LNX1: variants seen among roughly 807,000 people sequenced by gnomAD.
The protein encoded by LNX1 is ligand of numb-protein X 1, also known as E3 ubiquitin-protein ligase LNX.
LNX1 carries 54 observed loss-of-function variants against 68.4 expected under a neutral mutation model. That is an observed-to-expected ratio of 0.79 (90% CI 0.63 to 0.99). The LOEUF (loss-of-function observed/expected upper bound fraction) is 0.99. Among genes scored for constraint, LNX1 ranks in the 50% least tolerant of loss-of-function variants. The probability of loss-of-function intolerance (pLI) is 0.00; values close to 1 mark genes in which losing one functional copy is unlikely to be tolerated. For synonymous variants in LNX1, 336 were observed against 350.0 expected, an observed-to-expected ratio of 0.96 and a Z score of 0.45; for missense variants, 906 against 926.4, an observed-to-expected ratio of 0.98 and a Z score of 0.29.
chr4:53,543,700 T>C (rs962103512), intron 2 of LNX1, among the ~76,000 whole-genome samples: 7 of 152,254 alleles, frequency 4.6e-5, no homozygotes, highest in South Asian at 2.1e-4. Context: ...CTTTGCTAAA[T>C]GGTAAACAAA....
Position 53,522,369 on chromosome 4 carries a change from A to G in LNX1, c.381-14142T>C, listed in dbSNP as rs184313098. ...TTATTCCACAAATACTGAAGTGATT[A>G]CTAAAGTCTACTAAATGTAAGGCAC... On this transcript the variant is annotated intron_variant, in intron 2 of 10. Transcript: ENST00000263925. Among the ~76,000 whole-genome samples the G allele has an allele frequency of 1.4e-4, 22 of 152,336 alleles. No individual in the cohort carries two copies. The East Asian group carries it at 3.9e-3, about 27-fold the overall frequency.
intron 2 of LNX1, among the ~76,000 whole-genome samples, chr4:53,555,235 C>T (rs2109717643): frequency 6.6e-6 from 1 of 152,292 alleles, no homozygotes; most frequent in Non-Finnish European, 1.5e-5. Context: ...TAAACTGGCC[C>T]AGCAGCCCTA....
rs535602880 is a variant in LNX1, at chr4:53,503,899, C to A, written c.775+3418G>T. Among the ~76,000 whole-genome samples the A allele has an allele frequency of 7.2e-5, 11 of 152,256 alleles. No homozygotes were observed. The South Asian group carries it at 2.3e-3, about 32-fold the overall frequency. On this transcript the variant is annotated intron_variant, in intron 4 of 10. Transcript: ENST00000263925. Reference sequence around the variant, plus strand: ...CTGTAATCCTAGCACTTTGGGAGGCCGAGGCAGGCGGATGACCTGCGGTCA... The same window carrying A: ...CTGTAATCCTAGCACTTTGGGAGGCAGAGGCAGGCGGATGACCTGCGGTCA...
chr4:53,497,514 A>G (rs1242628242), intron 5 of LNX1, among the ~76,000 whole-genome samples: 1 of 152,206 alleles, frequency 6.6e-6, no homozygotes, highest in Non-Finnish European at 1.5e-5. Context: ...AGGTGAGGAG[A>G]GCACCTGAGG....
chr4:53,508,130 G>C lies in LNX1; in HGVS notation c.478C>G (p.Pro160Ala). The change falls in exon 3 of 11, where the codon CCC becomes GCC. Residue 160 changes from proline (P) to alanine (A), a missense_variant. Coordinates refer to ENST00000263925, the MANE Select transcript of LNX1 (RefSeq NM_001126328.3). The stretch of plus-strand genomic sequence containing the variant: ...GCAGCTGCAGAAACCTCTGGGGAGG[G>C]AGCCGTGGCTGTGAGGCTCGCACAG... ...DGCASLTATA[P>A]SPEVSAAATI... 1 of 1,614,144 alleles carries C rather than the reference G, an allele frequency of 6.2e-7. No individual in the cohort carries two copies. The highest frequency in any genetic ancestry group is 1.3e-5 in the African/African-American group (1 of 75,052).
chr4:53,494,136 G>A (rs111558394), intron 6 of LNX1, among the ~76,000 whole-genome samples: 1 of 152,122 alleles, frequency 6.6e-6, no homozygotes, highest in Non-Finnish European at 1.5e-5. Flanking sequence ...GTTGTGGGAG[G>A]GACCCAGTGG....
intron 9 of LNX1, among the ~76,000 whole-genome samples, chr4:53,469,610 G>A (rs945594447): frequency 2.0e-5 from 3 of 151,988 alleles, no homozygotes; most frequent in Non-Finnish European, 2.9e-5. Context: ...TAATAAAGAA[G>A]AAAAGAGAGA....
intron 2 of LNX1, among the ~76,000 whole-genome samples, chr4:53,528,652 G>A (rs1456046252): frequency 7.0e-6 from 1 of 142,142 alleles, no homozygotes; most frequent in Admixed American, 7.6e-5. Flanking sequence ...TATCCACTGA[G>A]GGTCTTAGAA....
At chr4:53,511,623 T>C (rs1204018911) in intron 2 of LNX1, among the ~76,000 whole-genome samples, 1 of 152,234 alleles carries the variant, frequency 6.6e-6, no homozygotes, top group Non-Finnish European at 1.5e-5. Flanking sequence ...GAGGTAAATC[T>C]GTCTTAATAT....
intron 2 of LNX1, among the ~76,000 whole-genome samples, chr4:53,607,451 G>T (rs1230862576): frequency 6.6e-6 from 1 of 152,108 alleles, no homozygotes. Flanking sequence ...ATTGCTCAAA[G>T]AAATCAGAGA....
chr4:53,494,445 T>C (rs1202248080), intron 6 of LNX1, among the ~76,000 whole-genome samples: 1 of 152,224 alleles, frequency 6.6e-6, no homozygotes, highest in African/African-American at 2.4e-5. Context: ...TTTTGTCTTG[T>C]GTCTCCTTAG....
chr4:53,560,967 C>A (rs1327414990), intron 2 of LNX1, among the ~76,000 whole-genome samples: 1 of 152,228 alleles, frequency 6.6e-6, no homozygotes, highest in Non-Finnish European at 1.5e-5. Flanking sequence ...TAACTCTAAT[C>A]TTTGCCCTAT....
intron 1 of LNX1, among the ~76,000 whole-genome samples, chr4:53,623,326 A>ACCAAGTAGCTGGGACCCACCTCAGCTTC (rs1274707527): frequency 1.3e-5 from 2 of 150,862 alleles, no homozygotes; most frequent in Admixed American, 6.6e-5. Context: ...ACCTCAGTTT[A>ACCAAGTAGCTGGGACCCACCTCAGCTTC]CCAAGTAGCT....
At chr4:53,491,532 G>A (rs1047876349) in intron 6 of LNX1, among the ~76,000 whole-genome samples, 1 of 152,160 alleles carries the variant, frequency 6.6e-6, no homozygotes, top group African/African-American at 2.4e-5. Context: ...CAAAGAAGTT[G>A]CTCAGTCAAT....
intron 8 of LNX1, 104 bp from the exon 9 acceptor site, chr4:53,477,085 A>G (rs1723612560): frequency 1.0e-6 from 1 of 965,144 alleles, no homozygotes; most frequent in Admixed American, 1.8e-5. Flanking sequence ...AGGGATGCAG[A>G]GAGGGCAAAG....
intron 7 of LNX1, among the ~76,000 whole-genome samples, chr4:53,479,592 AC>A (rs1330709543): frequency 3.9e-5 from 6 of 152,100 alleles, no homozygotes; most frequent in Admixed American, 1.3e-4. Flanking sequence ...GGGTTACCTG[AC>A]TTTGGCTGGA....
chr4:53,574,024 A>G lies in LNX1; in HGVS notation c.-22T>C, dbSNP rs1259359250. On this transcript the variant is annotated 5_prime_UTR_variant, in exon 2 of 11. Coordinates refer to ENST00000263925, the MANE Select transcript of LNX1 (RefSeq NM_001126328.3). ...TCATGATGGATTGGAGAGCAGTATA[A>G]CAGGAAACTCAGTCACACAATATTT... 1 of 1,586,720 alleles carries G rather than the reference A, an allele frequency of 6.3e-7. No homozygotes were observed. Among genetic ancestry groups the G allele is most frequent in the African/African-American group, 1.3e-5 (1 of 74,326 alleles).
At chr4:53,524,171 A>AT (rs1353451965) in intron 2 of LNX1, 1 of 152,022 alleles carries the variant, frequency 6.6e-6, no homozygotes, top group Non-Finnish European at 1.5e-5. Flanking sequence ...TTATATATAT[A>AT]TTTTTTCTCT....
At chr4:53,472,702 A>C (rs1284038019) in intron 9 of LNX1, among the ~76,000 whole-genome samples, 2 of 122,768 alleles carry the variant, frequency 1.6e-5, no homozygotes, top group African/African-American at 2.8e-5. Context: ...AAAAAAAACA[A>C]AAAACAATGG....
Sources: allele counts gnomAD v4.1 joint callset (sites outside exome capture counted in the v4.1 genomes callset), GRCh38; gene constraint gnomAD v4.1.1; transcripts MANE v1.5; gene names NCBI Gene and HGNC (gene_info 2026-07-23, HGNC 2026-07-21).